Variants in RGPD2 observed in about 807,000 individuals in gnomAD.
The protein encoded by RGPD2 is RANBP2-like and GRIP domain-containing protein 2.
Under a neutral mutation model 36.0 loss-of-function variants are expected in RGPD2, and 2 were observed. The observed-to-expected ratio is 0.06, with a 90% CI of 0.02 to 0.17. The LOEUF (loss-of-function observed/expected upper bound fraction) is 0.17, where lower values mean the gene tolerates loss of function less well. Ranked by LOEUF, RGPD2 falls within the 10% of genes least tolerant of loss-of-function variation. The pLI, the probability that RGPD2 is intolerant of heterozygous loss-of-function variation, is 1.00. For missense variants in RGPD2, 40 were observed against 464.3 expected (o/e 0.09, Z 8.40); for synonymous variants, 19 against 163.8 (o/e 0.12, Z 6.75).
At chr2:87,883,124 G>T in the RGPD2 span, among the ~76,000 whole-genome samples, 2 of 152,128 alleles carry the variant, frequency 1.3e-5, no homozygotes, top group East Asian at 1.9e-4. Flanking sequence ...ACAATAATTT[G>T]TTAAGAGGCA....
At chr2:87,827,483 GTACCT>G (rs1686854542), upstream of RGPD2, among the ~76,000 whole-genome samples, 1 of 140,462 alleles carries the variant, frequency 7.1e-6, no homozygotes. Flanking sequence ...GGATAATAAA[GTACCT>G]TAACTGTAGG....
chr2:87,915,016 G>A, the RGPD2 span, among the ~76,000 whole-genome samples: 1 of 151,838 alleles, frequency 6.6e-6, no homozygotes, highest in Non-Finnish European at 1.5e-5. Flanking sequence ...GCATGGTGGC[G>A]CATGCCTGTA....
rs575682022 is a variant in RGPD2, at chr2:87,824,590, T to C, written c.72+1068A>G. Among the ~76,000 whole-genome samples, 25 of 151,954 alleles carry C rather than the reference T, an allele frequency of 1.6e-4. No individual in the cohort carries two copies. The East Asian group carries it at 4.9e-3, about 30-fold the overall frequency. ...CCTAACTTTACAGAATAGCTTCACATGTTCCAAAGTTACTCACTAGTTAAT... is the reference window on the plus strand; with the variant it reads ...CCTAACTTTACAGAATAGCTTCACACGTTCCAAAGTTACTCACTAGTTAAT... On this transcript the variant is annotated intron_variant, in intron 1 of 22. Coordinates refer to ENST00000398146, the MANE Select transcript of RGPD2 (RefSeq NM_001078170.3).
chr2:87,868,906 T>G, the RGPD2 span, among the ~76,000 whole-genome samples: 1 of 151,800 alleles, frequency 6.6e-6, no homozygotes, highest in Non-Finnish European at 1.5e-5. Context: ...ATTCACTGTG[T>G]GTTTTACTTT....
At chr2:87,798,816 C>T (rs1388917203) in intron 8 of RGPD2, among the ~76,000 whole-genome samples, 13 of 103,896 alleles carry the variant, frequency 1.3e-4, no homozygotes, top group Admixed American at 2.1e-4. Flanking sequence ...TGCAGTGAGC[C>T]GAGATCACGC....
chr2:87,829,290 T>TA (rs1290603262), upstream of RGPD2, among the ~76,000 whole-genome samples: 9 of 109,818 alleles, frequency 8.2e-5, no homozygotes, highest in African/African-American at 2.3e-4. Flanking sequence ...TTAAATGATA[T>TA]AGATATTTTA....
chr2:87,858,437 T>C, the RGPD2 span, among the ~76,000 whole-genome samples: 1,102 of 152,018 alleles, frequency 7.2e-3, 6 homozygotes, highest in African/African-American at 0.023. Flanking sequence ...CTTTTTTTTT[T>C]CCCCTTTTTT....
the RGPD2 span, among the ~76,000 whole-genome samples, chr2:87,966,703 G>C: frequency 1.3e-5 from 2 of 151,060 alleles, no homozygotes; most frequent in East Asian, 3.9e-4. Flanking sequence ...AAGGTGGGCA[G>C]ATCGCTTCAG....
chr2:87,923,353 G>T, the RGPD2 span, among the ~76,000 whole-genome samples: 324 of 152,222 alleles, frequency 2.1e-3, 1 homozygote, highest in African/African-American at 7.3e-3. Context: ...GAATGCATTT[G>T]TAATTTTTGA....
chr2:87,915,495 G>GTATA, the RGPD2 span, among the ~76,000 whole-genome samples: 1 of 133,204 alleles, frequency 7.5e-6, no homozygotes, highest in African/African-American at 2.8e-5. Context: ...GTGTATATAC[G>GTATA]TATATATACA....
chr2:87,862,015 GTATC>G, the RGPD2 span, among the ~76,000 whole-genome samples: 14 of 13,806 alleles, frequency 1.0e-3, no homozygotes, highest in African/African-American at 3.8e-3. Flanking sequence ...TTGAACTACA[GTATC>G]TATTCAGAAA....
At chr2:87,944,611 G>A in the RGPD2 span, among the ~76,000 whole-genome samples, 1 of 119,264 alleles carries the variant, frequency 8.4e-6, no homozygotes, top group South Asian at 2.5e-4. Context: ...TTTCACTCCA[G>A]ATTGGATTAG....
the RGPD2 span, among the ~76,000 whole-genome samples, chr2:87,961,805 A>G: frequency 9.9e-5 from 15 of 151,150 alleles, no homozygotes; most frequent in Admixed American, 5.9e-4. Context: ...CCAATACTGT[A>G]TTTTCTGTCG....
chr2:87,857,206 T>G, the RGPD2 span, among the ~76,000 whole-genome samples: 1 of 152,242 alleles, frequency 6.6e-6, no homozygotes, highest in African/African-American at 2.4e-5. Context: ...TTTCATAGCA[T>G]AGATTAGGAA....
At chr2:87,961,420 G>A in the RGPD2 span, among the ~76,000 whole-genome samples, 6 of 151,960 alleles carry the variant, frequency 3.9e-5, no homozygotes, top group South Asian at 4.2e-4. Flanking sequence ...TGTCTTGCCC[G>A]CCGGGCGCCG....
At chr2:87,822,192 C>T (rs1360561795) in intron 1 of RGPD2, among the ~76,000 whole-genome samples, 1 of 152,064 alleles carries the variant, frequency 6.6e-6, no homozygotes, top group Non-Finnish European at 1.5e-5. Flanking sequence ...TCTTCTTCCC[C>T]TGGAACATAA....
At chr2:87,873,727 G>A in the RGPD2 span, among the ~76,000 whole-genome samples, 31,071 of 151,744 alleles carry the variant, frequency 0.2, 3,521 homozygotes, top group Non-Finnish European at 0.25. Context: ...TGTCTTACAC[G>A]GTGGCAGGCA....
the RGPD2 span, among the ~76,000 whole-genome samples, chr2:87,952,370 G>A: frequency 6.6e-6 from 1 of 152,056 alleles, no homozygotes; most frequent in African/African-American, 2.4e-5. Context: ...TAGAGATGAT[G>A]CCTTATCATG....
At chr2:87,922,292 C>CAA in the RGPD2 span, among the ~76,000 whole-genome samples, 603 of 83,804 alleles carry the variant, frequency 7.2e-3, no homozygotes, top group Middle Eastern at 0.014. Context: ...GACTTCGTCT[C>CAA]AAAAAAAAAA....
Sources: gnomAD v4.1 joint callset for allele counts (sites outside exome capture counted in the v4.1 genomes callset) on GRCh38, gnomAD v4.1.1 for gene constraint, MANE v1.5 for transcripts, NCBI Gene and HGNC (gene_info 2026-07-23, HGNC 2026-07-21) for gene names.